The following COL26A1 variants were observed in gnomAD, a reference collection of about 807,000 sequenced individuals.
COL26A1 encodes collagen alpha-1(XXVI) chain.
COL26A1 carries 41 observed loss-of-function variants against 59.3 expected under a neutral mutation model. That is an observed-to-expected ratio of 0.69 (90% CI 0.54 to 0.90). The LOEUF (loss-of-function observed/expected upper bound fraction) is 0.90, where lower values mean the gene tolerates loss of function less well. Ranked by LOEUF, COL26A1 falls within the 40% of genes least tolerant of loss-of-function variation. The pLI is 0.00. For missense variants in COL26A1, 612 were observed against 602.3 expected (o/e 1.02, Z -0.17); for synonymous variants, 266 against 256.0 (o/e 1.04, Z -0.37).
chr7:101,401,621 AAGG>A (rs200244884), intron 1 of COL26A1, among the ~76,000 whole-genome samples: 3,691 of 140,916 alleles, frequency 0.026, 57 homozygotes, highest in African/African-American at 0.033. Flanking sequence ...AGAAGAGGAA[AAGG>A]AGGAGGCAGA....
intron 1 of COL26A1, among the ~76,000 whole-genome samples, chr7:101,383,647 G>A: frequency 6.6e-6 from 1 of 152,140 alleles, no homozygotes; most frequent in Admixed American, 6.6e-5. Flanking sequence ...CGATCCTCCT[G>A]CCTCAGCCCC....
chr7:101,477,032 C>G (rs1234106805), intron 3 of COL26A1, among the ~76,000 whole-genome samples: 1 of 151,688 alleles, frequency 6.6e-6, no homozygotes, highest in East Asian at 1.9e-4. Flanking sequence ...TTAGTAGAGA[C>G]CAGATTTCAC....
At chr7:101,387,646 T>TCTCTCTCTCTCTCTC (rs1491279055) in intron 1 of COL26A1, among the ~76,000 whole-genome samples, 4 of 142,950 alleles carry the variant, frequency 2.8e-5, no homozygotes, top group African/African-American at 7.8e-5. Flanking sequence ...TCTCTCTCTC[T>TCTCTCTCTCTCTCTC]TTATATATAT....
At chr7:101,421,630 G>A (rs914172716) in intron 2 of COL26A1, among the ~76,000 whole-genome samples, 44 of 151,080 alleles carry the variant, frequency 2.9e-4, no homozygotes, top group African/African-American at 1.1e-3. Context: ...AACCGAGATT[G>A]CGCCACTGCA....
In COL26A1 at chr7:101,481,236, A is replaced by G. The variant is rs376380191; in HGVS notation, c.385+33449A>G. Among the ~76,000 whole-genome samples, 7 of 152,218 alleles carry G rather than the reference A, an allele frequency of 4.6e-5. No individual in the cohort carries two copies. The East Asian group carries it at 7.7e-4, about 17-fold the overall frequency. The stretch of plus-strand genomic sequence containing the variant: ...CTTATTTCATGGGTTATCAGAATGC[A>G]TGGGTGTAAAACCCCACACTGAAAC... On this transcript the variant is annotated intron_variant, in intron 3 of 12. Transcript: ENST00000313669.
intron 2 of COL26A1, among the ~76,000 whole-genome samples, chr7:101,443,751 G>A (rs960906180): frequency 2.6e-5 from 4 of 151,954 alleles, no homozygotes; most frequent in African/African-American, 9.7e-5. Context: ...GAAAAATTTC[G>A]AAACTGTGGG....
intron 3 of COL26A1, among the ~76,000 whole-genome samples, chr7:101,484,891 G>A (rs989618659): frequency 1.1e-4 from 17 of 151,416 alleles, no homozygotes; most frequent in East Asian, 9.8e-4. Context: ...TTTTGCTCTT[G>A]TTACCCAGGC....
chr7:101,491,817 C>T (rs1008581386), intron 3 of COL26A1, among the ~76,000 whole-genome samples: 33 of 152,184 alleles, frequency 2.2e-4, no homozygotes, highest in African/African-American at 6.5e-4. Flanking sequence ...TTGTGCTGAC[C>T]TCCTATCTCA....
In COL26A1 at chr7:101,553,344, G is replaced by A. The variant is rs370309900; in HGVS notation, c.1048G>A (p.Gly350Arg). The part of the protein sequence containing the change: ...VGPSGEPGVK[G>R]EEGEKAATAE... ...TTCTTAGGGTGAACCTGGCGTGAAG[G>A]GGGAAGAAGGAGAGAAAGCCGCCAC... The change falls in exon 11 of 13, where the codon GGG becomes AGG. Residue 350 changes from glycine to arginine, a missense_variant. Physicochemically the swap from Gly to Arg is moderately radical, Grantham distance 125 (BLOSUM62 -2). Transcript: ENST00000313669. 8 of 1,613,834 alleles carry A rather than the reference G, an allele frequency of 5.0e-6. No individual in the cohort carries two copies. Among genetic ancestry groups the A allele is most frequent in the Middle Eastern group, 1.6e-4 (1 of 6,062 alleles).
chr7:101,489,683 T>TCC (rs1794360253), intron 3 of COL26A1, among the ~76,000 whole-genome samples: 1 of 20,068 alleles, frequency 5.0e-5, no homozygotes, highest in Non-Finnish European at 8.1e-5. Context: ...CTTCCTTCCT[T>TCC]TCTTTCTTTC....
intron 3 of COL26A1, among the ~76,000 whole-genome samples, chr7:101,527,870 G>T (rs891584613): frequency 6.6e-6 from 1 of 152,160 alleles, no homozygotes; most frequent in African/African-American, 2.4e-5. Flanking sequence ...ACATCGTAGA[G>T]TAGTTCGGGC....
In COL26A1 at chr7:101,551,123, C is replaced by T. The variant is rs926155167; in HGVS notation, c.1009C>T (p.Arg337Ter). Residue 337 changes from arginine (R) to a stop codon, truncating the protein, a stop_gained, in exon 10 of 13, where the codon CGA becomes TGA. Transcript: ENST00000313669. LOFTEE classifies it high-confidence loss of function. ...TPGSQGLAGE[R>*]GTVGPSGEPG... The stretch of plus-strand genomic sequence containing the variant: ...TTTTCTGCAGGGCCTGGCTGGAGAG[C>T]GAGGCACAGTGGGGCCGTCCGTAAG... The T allele has an allele frequency of 3.9e-6, 6 of 1,557,052 alleles. No individual in the cohort carries two copies. The highest frequency in any genetic ancestry group is 1.9e-5 in the Admixed American group (1 of 51,672).
intron 3 of COL26A1, among the ~76,000 whole-genome samples, chr7:101,449,659 A>G (rs1302463306): frequency 6.6e-6 from 1 of 152,062 alleles, no homozygotes; most frequent in Non-Finnish European, 1.5e-5. Flanking sequence ...AGTCCCAGGT[A>G]CTCAGGAGGC....
At chr7:101,504,930 G>A (rs1316273680) in intron 3 of COL26A1, among the ~76,000 whole-genome samples, 1 of 152,200 alleles carries the variant, frequency 6.6e-6, no homozygotes, top group East Asian at 1.9e-4. Context: ...GAGGCGGGCA[G>A]ATCCCTTGAG....
chr7:101,550,122 G>A (rs1795829173), intron 9 of COL26A1, among the ~76,000 whole-genome samples: 1 of 152,188 alleles, frequency 6.6e-6, no homozygotes, highest in Non-Finnish European at 1.5e-5. Context: ...GAATTATTGA[G>A]TTTCAGGGAG....
intron 1 of COL26A1, among the ~76,000 whole-genome samples, chr7:101,374,561 C>T (rs1267639390): frequency 2.0e-5 from 3 of 152,164 alleles, no homozygotes; most frequent in Admixed American, 2.0e-4. Context: ...AGCTCCAGCC[C>T]TGTTGTAAAC....
At position 101,555,790 on chromosome 7, in the gene COL26A1, G is replaced by A. The variant is rs756468119; in HGVS notation, c.1084G>A (p.Glu362Lys). The change falls in exon 12 of 13, where the codon GAG becomes AAG. Residue 362 changes from glutamate to lysine, a missense_variant. Physicochemically the swap from Glu to Lys is moderately conservative, Grantham distance 56 (BLOSUM62 1). Transcript: ENST00000313669. The stretch of plus-strand genomic sequence containing the variant: ...CTGCCTGTTTCCTCCCCGCCAGGGC[G>A]AGGGGGTGCAGCAGCTGAGAGAGGC... ...EGEKAATAEGEGVQQLREALK... is the reference protein window; with the variant it reads ...EGEKAATAEGKGVQQLREALK... 49 of 1,608,866 alleles carry A rather than the reference G, an allele frequency of 3.0e-5. No homozygotes were observed. The highest frequency in any genetic ancestry group is 1.3e-4 in the Admixed American group (8 of 59,434).
intron 1 of COL26A1, among the ~76,000 whole-genome samples, chr7:101,386,593 C>G (rs529223120): frequency 6.6e-6 from 1 of 152,048 alleles, no homozygotes; most frequent in Non-Finnish European, 1.5e-5. Context: ...ATGTCTGTCA[C>G]GACAGGTAAT....
rs562506807 is a variant in COL26A1, at chr7:101,526,022, A to G, written c.386-7060A>G. ...ATGGTATCTTTTTAGCTGGAGCAGA[A>G]CTGCGTTTTCTTTTTCTTTTCTTTT... On this transcript the variant is annotated intron_variant, in intron 3 of 12. Transcript: ENST00000313669. Among the ~76,000 whole-genome samples the G allele has an allele frequency of 9.2e-5, 14 of 151,856 alleles. No homozygotes were observed. The South Asian group carries it at 2.1e-3, about 23-fold the overall frequency.
Sources: gnomAD v4.1 joint callset for allele counts (sites outside exome capture counted in the v4.1 genomes callset) on GRCh38, gnomAD v4.1.1 for gene constraint, MANE v1.5 for transcripts, NCBI Gene and HGNC (gene_info 2026-07-23, HGNC 2026-07-21) for gene names.